The following BRINP3 variants were observed in gnomAD, a reference collection of about 807,000 sequenced individuals.
BRINP3 encodes BMP/retinoic acid inducible neural specific 3, also known as BMP/retinoic acid-inducible neural-specific protein 3.
In BRINP3, 19 loss-of-function variants were observed where a neutral mutation model predicts 71.0. The ratio of observed to expected loss-of-function variants is 0.27; its 90% CI spans 0.19 to 0.39. BRINP3 has a LOEUF of 0.39. BRINP3 is among the 10% of genes least tolerant of loss of function. The pLI is 1.00. For synonymous variants in BRINP3, 380 were observed against 337.7 expected, an observed-to-expected ratio of 1.13 and a Z score of -1.37; for missense variants, 959 against 940.8, an observed-to-expected ratio of 1.02 and a Z score of -0.25.
intron 3 of BRINP3, among the ~76,000 whole-genome samples, chr1:190,270,777 A>G (rs10920678): frequency 0.59 from 88,644 of 151,204 alleles, 26,188 homozygotes; most frequent in Admixed American, 0.69. Flanking sequence ...CCAATACTAT[A>G]GCTAAAATAA....
chr1:190,166,767 AG>A (rs1438832183), intron 6 of BRINP3, among the ~76,000 whole-genome samples: 7 of 152,060 alleles, frequency 4.6e-5, no homozygotes, highest in African/African-American at 1.7e-4. Context: ...TCTATCACTC[AG>A]GCTGGAGTCC....
intron 6 of BRINP3, among the ~76,000 whole-genome samples, chr1:190,189,433 C>G (rs905921936): frequency 2.0e-5 from 3 of 151,844 alleles, no homozygotes; most frequent in African/African-American, 4.8e-5. Flanking sequence ...ATTATGTAAG[C>G]TTTCTTCATC....
intron 2 of BRINP3, among the ~76,000 whole-genome samples, chr1:190,321,901 G>C (rs1666271737): frequency 6.6e-6 from 1 of 151,890 alleles, no homozygotes; most frequent in African/African-American, 2.4e-5. Flanking sequence ...TGATGTTGTT[G>C]TTCATGTTAC....
intron 1 of BRINP3, among the ~76,000 whole-genome samples, chr1:190,466,989 C>T (rs560809589): frequency 6.6e-6 from 1 of 151,430 alleles, no homozygotes; most frequent in Non-Finnish European, 1.5e-5. Context: ...ACACAAAATG[C>T]CACTAAATCA....
chr1:190,283,759 C>T (rs993766682), intron 2 of BRINP3, among the ~76,000 whole-genome samples: 1 of 151,054 alleles, frequency 6.6e-6, no homozygotes, highest in African/African-American at 2.4e-5. Flanking sequence ...TATAGTAATA[C>T]AAAACTTCTA....
chr1:190,370,497 A>T (rs375779438), intron 2 of BRINP3, among the ~76,000 whole-genome samples: 10 of 152,234 alleles, frequency 6.6e-5, no homozygotes, highest in African/African-American at 2.4e-4. Context: ...TCATCAAAAA[A>T]ATATATAACA....
chr1:190,463,234 A>C (rs1451338009), intron 1 of BRINP3, among the ~76,000 whole-genome samples: 1 of 151,836 alleles, frequency 6.6e-6, no homozygotes, highest in Non-Finnish European at 1.5e-5. Context: ...GTTGGTGTCT[A>C]ACAATGGGAG....
At chr1:190,325,665 T>A (rs1666533631) in intron 2 of BRINP3, among the ~76,000 whole-genome samples, 1 of 152,058 alleles carries the variant, frequency 6.6e-6, no homozygotes, top group Non-Finnish European at 1.5e-5. Context: ...TATTTAGGTA[T>A]GTAACTATTC....
chr1:190,188,401 G>A (rs1047357869), intron 6 of BRINP3, among the ~76,000 whole-genome samples: 1 of 152,006 alleles, frequency 6.6e-6, no homozygotes, highest in African/African-American at 2.4e-5. Context: ...CCAGTAATAC[G>A]CTGAATGGAA....
chr1:190,444,659 T>A (rs2102578157), intron 2 of BRINP3, among the ~76,000 whole-genome samples: 1 of 152,170 alleles, frequency 6.6e-6, no homozygotes, highest in East Asian at 1.9e-4. Flanking sequence ...CTCAGCCTCC[T>A]GAGTACCTGG....
chr1:190,276,036 T>G (rs1319832629), intron 3 of BRINP3, among the ~76,000 whole-genome samples: 4 of 151,504 alleles, frequency 2.6e-5, no homozygotes, highest in Non-Finnish European at 4.4e-5. Flanking sequence ...GATCTTAAGA[T>G]TAATTTTAAT....
chr1:190,193,841 T>C (rs778373946), intron 6 of BRINP3, among the ~76,000 whole-genome samples: 1 of 152,032 alleles, frequency 6.6e-6, no homozygotes, highest in Non-Finnish European at 1.5e-5. Context: ...AATGTAATCG[T>C]AAAAAATATA....
At chr1:190,241,150 A>C (rs895840419) in intron 4 of BRINP3, among the ~76,000 whole-genome samples, 1 of 152,106 alleles carries the variant, frequency 6.6e-6, no homozygotes, top group Non-Finnish European at 1.5e-5. Flanking sequence ...AATATTTATT[A>C]CAAAAGAAAA....
intron 2 of BRINP3, among the ~76,000 whole-genome samples, chr1:190,336,464 G>GA (rs1002637455): frequency 1.3e-5 from 2 of 151,950 alleles, no homozygotes; most frequent in African/African-American, 4.8e-5. Flanking sequence ...ATATCACAAT[G>GA]AAAAAATCCC....
intron 4 of BRINP3, among the ~76,000 whole-genome samples, chr1:190,249,801 C>T (rs1462516244): frequency 2.0e-5 from 3 of 151,714 alleles, no homozygotes; most frequent in African/African-American, 7.3e-5. Flanking sequence ...ATGCATGTCA[C>T]AAAAGACTAA....
In BRINP3 at chr1:190,299,403, G is replaced by A. The variant is rs578193009; in HGVS notation, c.237-17653C>T. 6.8e-4 allele frequency among the ~76,000 whole-genome samples: 101 copies of A among 149,256 alleles called. 1 individual carries two copies. The highest frequency in any genetic ancestry group is 7.0e-4 in the Non-Finnish European group (47 of 67,086). ...CCTATCCTCTTGAGTTACTTGAATAGTTTTTTTTCCTAAAACATATATATA... is the reference window on the plus strand; with the variant it reads ...CCTATCCTCTTGAGTTACTTGAATAATTTTTTTTCCTAAAACATATATATA... On this transcript the variant is annotated intron_variant, in intron 2 of 7. Coordinates refer to ENST00000367462, the MANE Select transcript of BRINP3 (RefSeq NM_199051.3).
Position 190,447,883 on chromosome 1 carries a change from C to A in BRINP3, c.236+6772G>T, listed in dbSNP as rs149577155. Among the ~76,000 whole-genome samples, 47 of 151,628 alleles carry A rather than the reference C, an allele frequency of 3.1e-4. No homozygotes were observed. The East Asian group carries it at 8.7e-3, about 28-fold the overall frequency. On this transcript the variant is annotated intron_variant, in intron 2 of 7. Transcript: ENST00000367462. ...AATAACAGCTAATATTTTGCCTGAT[C>A]ATAAAATTTACACATACTCATCACA...
rs149772249 is a variant in BRINP3, at chr1:190,465,544, A to G, written c.-50-10604T>C. On this transcript the variant is annotated intron_variant, in intron 1 of 7. Coordinates refer to ENST00000367462, the MANE Select transcript of BRINP3 (RefSeq NM_199051.3). ...CTCATTCTTCACTATCCTGAAGGTG[A>G]TATCTGACCACCCTGGCCTGTCTTT... is the stretch of plus-strand genomic sequence containing the variant. Among the ~76,000 whole-genome samples the G allele has an allele frequency of 2.6e-5, 4 of 152,024 alleles. No homozygotes were observed. In the East Asian group the frequency reaches 7.7e-4, roughly 29 times the overall value.
At position 190,159,096 on chromosome 1, in the gene BRINP3, A is replaced by G. The variant is rs190455655; in HGVS notation, c.1184+1572T>C. ...ATAAAAGATATACAATGAACATGAA[A>G]AGATGTTCAAAGCACATGAAAAGAT... On this transcript the variant is annotated intron_variant, in intron 7 of 7. Coordinates refer to ENST00000367462, the MANE Select transcript of BRINP3 (RefSeq NM_199051.3). Among the ~76,000 whole-genome samples, 52 of 152,244 alleles carry G rather than the reference A, an allele frequency of 3.4e-4. No individual in the cohort carries two copies. In the East Asian group the frequency reaches 8.7e-3, roughly 25 times the overall value.
Sources: allele counts gnomAD v4.1 joint callset (sites outside exome capture counted in the v4.1 genomes callset), GRCh38; gene constraint gnomAD v4.1.1; transcripts MANE v1.5; gene names NCBI Gene and HGNC (gene_info 2026-07-23, HGNC 2026-07-21).